Variants in HSPB7 observed in about 807,000 individuals in gnomAD.
HSPB7 encodes the protein heat shock protein beta-7.
Under a neutral mutation model 11.0 loss-of-function variants are expected in HSPB7, and 9 were observed. The ratio of observed to expected loss-of-function variants is 0.82; its 90% CI spans 0.49 to 1.43. HSPB7 has a LOEUF of 1.43. Ranked by LOEUF, HSPB7 falls within the 40% of genes most tolerant of loss-of-function variation. The pLI, the probability that HSPB7 is intolerant of heterozygous loss-of-function variation, is 0.00. For synonymous variants in HSPB7, 102 were observed against 101.6 expected (o/e 1.00, Z -0.02); for missense variants, 246 against 243.9 (o/e 1.01, Z -0.06).
intron 2 of HSPB7, among the ~76,000 whole-genome samples, chr1:16,016,090 G>A (rs1193568789): frequency 5.3e-5 from 8 of 152,248 alleles, no homozygotes; most frequent in South Asian, 2.1e-4. Flanking sequence ...GAGGAGAGCC[G>A]TGCCTTCCTG....
chr1:16,019,384 C>T (rs1390578630), upstream of HSPB7: 5 of 1,498,418 alleles, frequency 3.3e-6, no homozygotes, highest in Non-Finnish European at 3.6e-6. Flanking sequence ...CATAGTCTTC[C>T]TGTGTGCTGT....
At chr1:16,019,524 A>G (rs1373411875), upstream of HSPB7, 1 of 1,497,316 alleles carries the variant, frequency 6.7e-7, no homozygotes, top group African/African-American at 1.4e-5. Flanking sequence ...GCCCCCTACA[A>G]CCCAGTCTGG....
In HSPB7 at chr1:16,015,552, G is replaced by A; in HGVS notation, c.*28C>T. The A allele has an allele frequency of 6.2e-7, 1 of 1,609,974 alleles. No individual in the cohort carries two copies. The highest frequency in any genetic ancestry group is 8.5e-7 in the Non-Finnish European group (1 of 1,176,598). Reference sequence around the variant, plus strand: ...GCTTTGCTGGCAGGCGTGGGGCGGGGGGACAGGGAAAGGGAAGGGAGAGGC... The same window carrying A: ...GCTTTGCTGGCAGGCGTGGGGCGGGAGGACAGGGAAAGGGAAGGGAGAGGC... On this transcript the variant is annotated 3_prime_UTR_variant, in exon 3 of 3. Transcript: ENST00000311890. The surrounding 1 kb of genome is among the most constrained non-coding windows in gnomAD (Gnocchi z 4.9).
upstream of HSPB7, chr1:16,019,333 CACTG>C: frequency 7.0e-7 from 1 of 1,425,190 alleles, no homozygotes; most frequent in Non-Finnish European, 9.7e-7. Flanking sequence ...ATGCCCCCAG[CACTG>C]ACTGTCTTTG....
In HSPB7 at chr1:16,017,811, G is replaced by A. The variant is rs989853549; in HGVS notation, c.153C>T (p.Asp51=). The A allele has an allele frequency of 1.2e-6, 2 of 1,613,228 alleles. No individual in the cohort carries two copies. The highest frequency in any genetic ancestry group is 1.7e-5 in the Admixed American group (1 of 59,926). The part of the protein sequence containing the change: ...MEKALSMFSD[D]FGSFMRPHSE... ...AGTGGGGCCGCATGAAGCTGCCAAAGTCATCGGAAAACATGCTCAGGGCCT... is the reference window on the plus strand; with the variant it reads ...AGTGGGGCCGCATGAAGCTGCCAAAATCATCGGAAAACATGCTCAGGGCCT... The change falls in exon 1 of 3, where the codon GAC becomes GAT. Residue 51 remains aspartate (D), a synonymous_variant. Transcript: ENST00000311890.
At chr1:16,017,468 C>T (rs944754739) in intron 1 of HSPB7, 9 of 586,618 alleles carry the variant, frequency 1.5e-5, no homozygotes, top group Middle Eastern at 4.5e-4. Flanking sequence ...GGCTGCCCCC[C>T]ACCGCTCACC....
upstream of HSPB7, chr1:16,018,904 G>A: frequency 1.6e-6 from 2 of 1,243,744 alleles, no homozygotes; most frequent in Non-Finnish European, 2.1e-6. Flanking sequence ...CAGCTGGGAG[G>A]GTGGAGGGGC....
Position 16,017,973 on chromosome 1 carries a change from G to T in HSPB7, c.-10C>A. 2 of 1,612,888 alleles carry T rather than the reference G, an allele frequency of 1.2e-6. No homozygotes were observed. Among genetic ancestry groups the T allele is most frequent in the Non-Finnish European group, 1.7e-6 (2 of 1,179,732 alleles). ...AGGTTCTGTGGCTCATCCACGGACG[G>T]CGCCGGGCCCTGCCCAGGCGGGCGA... is the stretch of plus-strand genomic sequence containing the variant. On this transcript the variant is annotated 5_prime_UTR_variant, in exon 1 of 3. Transcript: ENST00000311890.
In HSPB7 at chr1:16,015,592, C is replaced by T. The variant is rs201512595; in HGVS notation, c.501G>A (p.Glu167=). 8.7e-6 allele frequency: 14 copies of T among 1,614,042 alleles called. No homozygotes were observed. The East Asian group carries it at 3.1e-4, about 36-fold the overall frequency. ...TEHVQQTFRT[E]IKI ...AAGGGAGAGGCACTCAGATTTTGATCTCCGTCCGGAAGGTCTGCTGGACGT... is the reference window on the plus strand; with the variant it reads ...AAGGGAGAGGCACTCAGATTTTGATTTCCGTCCGGAAGGTCTGCTGGACGT... Residue 167 remains glutamate, a synonymous_variant, in exon 3 of 3, where the codon GAG becomes GAA. Coordinates refer to ENST00000311890, the MANE Select transcript of HSPB7 (RefSeq NM_014424.5). This position sits in a 1 kb window ranked among gnomAD's most constrained non-coding sequence, Gnocchi z 4.9.
chr1:16,015,778 G>A lies in HSPB7; in HGVS notation c.334-19C>T, dbSNP rs369621959. ...CCGCCAGCTGGGGAAGGGGTGACCCGTCAGGCAGGCTGCCCCGACCCCTGT... is the reference window on the plus strand; with the variant it reads ...CCGCCAGCTGGGGAAGGGGTGACCCATCAGGCAGGCTGCCCCGACCCCTGT... On this transcript the variant is annotated intron_variant, in intron 2 of 2. Coordinates refer to ENST00000311890, the MANE Select transcript of HSPB7 (RefSeq NM_014424.5). This position sits in a 1 kb window ranked among gnomAD's most constrained non-coding sequence, Gnocchi z 4.9. 2.9e-4 allele frequency: 453 copies of A among 1,560,358 alleles called. 1 individual carries two copies. The highest frequency in any genetic ancestry group is 1.2e-3 in the East Asian group (54 of 44,174).
Position 16,017,778 on chromosome 1 carries a change from G to A in HSPB7, c.186C>T (p.Pro62=), listed in dbSNP as rs1398090353. The A allele has an allele frequency of 1.9e-6, 3 of 1,604,724 alleles. No homozygotes were observed. Among genetic ancestry groups the A allele is most frequent in the Non-Finnish European group, 1.7e-6 (2 of 1,175,732 alleles). The change falls in exon 1 of 3, where the codon CCC becomes CCT. Residue 62 remains proline, a synonymous_variant. Transcript: ENST00000311890. ...FGSFMRPHSE[P]LAFPARPGGA... ...CGGATCACTTGCCTGGGAAGGCCAG[G>A]GGCTCCGAGTGGGGCCGCATGAAGC...
Position 16,015,744 on chromosome 1 carries a change from T to G in HSPB7, c.349A>C (p.Thr117Pro). Reference sequence around the variant, plus strand: ...TTGTGAGCGAAGGTGTTCATGACAGTGCCGTCAGCCGCCAGCTGGGGAAGG... The same window carrying G: ...TTGTGAGCGAAGGTGTTCATGACAGGGCCGTCAGCCGCCAGCTGGGGAAGG... ...VRAEKLAADG[T>P]VMNTFAHKCQ... Residue 117 changes from threonine (T) to proline (P), a missense_variant, in exon 3 of 3, where the codon ACT (threonine) becomes CCT (proline). Thr to Pro is a conservative substitution (Grantham distance 38). Coordinates refer to ENST00000311890, the MANE Select transcript of HSPB7 (RefSeq NM_014424.5). The surrounding 1 kb of genome is among the most constrained non-coding windows in gnomAD (Gnocchi z 4.9). 4.4e-6 allele frequency: 7 copies of G among 1,585,746 alleles called. No individual in the cohort carries two copies. The highest frequency in any genetic ancestry group is 6.0e-6 in the Non-Finnish European group (7 of 1,162,422).
upstream of HSPB7, chr1:16,019,252 G>A: frequency 6.5e-7 from 1 of 1,541,952 alleles, no homozygotes; most frequent in Non-Finnish European, 8.8e-7. Flanking sequence ...TCCCAGATCA[G>A]CTCCAATGCC....
upstream of HSPB7, chr1:16,018,999 AC>A: frequency 1.0e-6 from 1 of 994,516 alleles, no homozygotes; most frequent in African/African-American, 1.6e-5. Flanking sequence ...TGGGATTCGA[AC>A]CTAGATGTGT....
chr1:16,018,946 C>T, upstream of HSPB7: 1 of 1,094,394 alleles, frequency 9.1e-7, no homozygotes, highest in South Asian at 1.7e-5. Context: ...GAAGCGAAGC[C>T]TCTTGGAAAG....
In HSPB7 at chr1:16,015,334, C is replaced by T; in HGVS notation, c.*246G>A. The T allele has an allele frequency of 3.9e-6, 2 of 518,046 alleles. No homozygotes were observed. The highest frequency in any genetic ancestry group is 3.5e-6 in the Non-Finnish European group (1 of 288,554). 32.1% of individuals were successfully genotyped at this position (518,046 alleles called of 1,614,324 possible). A position where few individuals can be genotyped will look rare whatever the true frequency, so the allele number is the denominator to read the frequency against. ...GATCTTCCTTCCCTGACCCCAGCCC[C>T]TGTACTCTGGATTAAGTGACGGAGG... On this transcript the variant is annotated 3_prime_UTR_variant, in exon 3 of 3. Coordinates refer to ENST00000311890, the MANE Select transcript of HSPB7 (RefSeq NM_014424.5). The surrounding 1 kb of genome is among the most constrained non-coding windows in gnomAD (Gnocchi z 4.9).
rs1470077173 is a variant in HSPB7 at position 16,015,342 on chromosome 1, T to G, written c.*238A>C. The G allele has an allele frequency of 1.9e-6, 1 of 529,428 alleles. No homozygotes were observed. Among genetic ancestry groups the G allele is most frequent in the Non-Finnish European group, 3.4e-6 (1 of 295,184 alleles). 32.8% of individuals were successfully genotyped at this position (529,428 alleles called of 1,614,324 possible). On this transcript the variant is annotated 3_prime_UTR_variant, in exon 3 of 3. Transcript: ENST00000311890. The surrounding 1 kb of genome is among the most constrained non-coding windows in gnomAD (Gnocchi z 4.9). ...TTCCCTGACCCCAGCCCCTGTACTC[T>G]GGATTAAGTGACGGAGGCCAAATCT...
In HSPB7 at chr1:16,016,061, G is replaced by T. The variant is rs373318837; in HGVS notation, c.334-302C>A. On this transcript the variant is annotated intron_variant, in intron 2 of 2. Coordinates refer to ENST00000311890, the MANE Select transcript of HSPB7 (RefSeq NM_014424.5). ...CAGTGGCTCCGAATCTGGGGCTCCT[G>T]GGGAACGTGGAGGTGACAGAGGAGA... Among the ~76,000 whole-genome samples, 26 of 152,378 alleles carry T rather than the reference G, an allele frequency of 1.7e-4. No individual in the cohort carries two copies. In the East Asian group the frequency reaches 3.3e-3, roughly 19 times the overall value.
At chr1:16,017,320 C>A (rs1739845) in intron 1 of HSPB7, 113 bp from the exon 2 acceptor site, 91,775 of 1,413,592 alleles carry the variant, frequency 0.065, 3,530 homozygotes, top group South Asian at 0.14. Flanking sequence ...CTACCTCCCC[C>A]CTAGCTGTTT....
Sources: gnomAD v4.1 joint callset for allele counts (sites outside exome capture counted in the v4.1 genomes callset) on GRCh38, gnomAD v4.1.1 for gene constraint, Gnocchi (gnomAD v3.1) non-coding constraint, MANE v1.5 for transcripts, NCBI Gene and HGNC (gene_info 2026-07-23, HGNC 2026-07-21) for gene names.